The following TEX261 variants were observed in gnomAD, a reference collection of about 807,000 sequenced individuals.
TEX261 encodes the protein protein TEX261.
In TEX261, 13 loss-of-function variants were observed where a neutral mutation model predicts 25.1. The ratio of observed to expected loss-of-function variants is 0.52; its 90% CI spans 0.34 to 0.82. The LOEUF (loss-of-function observed/expected upper bound fraction) is 0.82, where lower values mean the gene tolerates loss of function less well. Ranked by LOEUF, TEX261 falls within the 40% of genes least tolerant of loss-of-function variation. The probability of loss-of-function intolerance (pLI) is 0.02; values close to 1 mark genes in which losing one functional copy is unlikely to be tolerated. For missense variants in TEX261, 206 were observed against 243.2 expected (o/e 0.85, Z 1.02); for synonymous variants, 92 against 97.8 (o/e 0.94, Z 0.35).
Position 70,988,680 on chromosome 2 carries a change from G to A in TEX261, c.511C>T (p.Arg171Trp), listed in dbSNP as rs1553425213. Residue 171 changes from arginine (R) to tryptophan (W), a missense_variant, in exon 6 of 6, where the codon CGG (arginine) becomes TGG (tryptophan). By Grantham distance (101) the Arg-to-Trp change is moderately radical. Coordinates refer to ENST00000272438, the MANE Select transcript of TEX261 (RefSeq NM_144582.3). ...ACCAGGATCCCTAAGCGTTTGCCCC[G>A]CTTGCCTTTGGTGAAATAATTGGAG... is the stretch of plus-strand genomic sequence containing the variant. ...VVSNYFTKGK[R>W]GKRLGILVVF... 17 of 1,614,178 alleles carry A rather than the reference G, an allele frequency of 1.1e-5. No individual in the cohort carries two copies. The highest frequency in any genetic ancestry group is 1.3e-5 in the African/African-American group (1 of 75,042).
chr2:70,989,110 G>GTGGCCCCCTGT, intron 4 of TEX261, 93 bp from the exon 5 acceptor site: 1 of 1,071,108 alleles, frequency 9.3e-7, no homozygotes, highest in Non-Finnish European at 1.4e-6. Flanking sequence ...GTGCACAGGG[G>GTGGCCCCCTGT]GCCACACCTG....
At chr2:70,989,195 G>A (rs1670253933) in intron 4 of TEX261, 178 bp from the exon 5 acceptor site, 1 of 632,024 alleles carries the variant, frequency 1.6e-6, no homozygotes, top group African/African-American at 1.8e-5. Context: ...GTGGGGAAAG[G>A]TGGAGGCTGA....
At position 70,988,966 on chromosome 2, in the gene TEX261, CA is replaced by C; in HGVS notation, c.423del (p.Phe141LeufsTer35). ...FCLWIIPFAF[F>X]VSLSAGENVL... ...ACGTTCTCCCCGGCCGAAAGTGACA[CA>C]AAAAACGCAAACGGAATTATCCACA... is the stretch of plus-strand genomic sequence containing the variant. On this transcript the variant is annotated frameshift_variant, in exon 5 of 6. Coordinates refer to ENST00000272438, the MANE Select transcript of TEX261 (RefSeq NM_144582.3). LOFTEE classifies it high-confidence loss of function. The C allele has an allele frequency of 6.2e-7, 1 of 1,614,076 alleles. No individual in the cohort carries two copies. The highest frequency in any genetic ancestry group is 8.5e-7 in the Non-Finnish European group (1 of 1,180,002).
intron 1 of TEX261, 58 bp from the exon 2 acceptor site, chr2:70,993,833 C>A: frequency 7.2e-7 from 1 of 1,385,986 alleles, no homozygotes; most frequent in Non-Finnish European, 1.0e-6. Context: ...ATCCTGGTCA[C>A]CCCTCTCTCT....
In TEX261 at chr2:70,988,412, C is replaced by T. The variant is rs1670231146; in HGVS notation, c.*188G>A. ...TCCTTGGTGCCCTCTGAGGTTACAG[C>T]CTCTTGAAGCATCAGATCTGAGCCA... On this transcript the variant is annotated 3_prime_UTR_variant, in exon 6 of 6. Coordinates refer to ENST00000272438, the MANE Select transcript of TEX261 (RefSeq NM_144582.3). 4 of 584,448 alleles carry T rather than the reference C, an allele frequency of 6.8e-6. No individual in the cohort carries two copies. Among genetic ancestry groups the T allele is most frequent in the Non-Finnish European group, 1.2e-5 (4 of 327,130 alleles). The allele number at this position is 584,448 out of a possible 1,614,324, so 36.2% of individuals were successfully genotyped here.
intron 5 of TEX261, 36 bp from the exon 6 acceptor site, chr2:70,988,751 A>T (rs1558692459): frequency 6.4e-7 from 1 of 1,562,728 alleles, no homozygotes; most frequent in Non-Finnish European, 8.8e-7. Flanking sequence ...AGAGAGAGAG[A>T]GAGTGTGTGT....
rs1553425180 is a variant in TEX261, at chr2:70,988,569, T to C, written c.*31A>G. ...AGGCCCAGGGGCCTGACTCTCCTGA[T>C]CTTGCCCCCCACATCCTGCCTGCAT... On this transcript the variant is annotated 3_prime_UTR_variant, in exon 6 of 6. Coordinates refer to ENST00000272438, the MANE Select transcript of TEX261 (RefSeq NM_144582.3). 1 of 1,567,790 alleles carries C rather than the reference T, an allele frequency of 6.4e-7. No homozygotes were observed. The highest frequency in any genetic ancestry group is 1.1e-5 in the South Asian group (1 of 90,174).
At chr2:70,991,283 G>A (rs1483459909) in intron 3 of TEX261, among the ~76,000 whole-genome samples, 1 of 152,332 alleles carries the variant, frequency 6.6e-6, no homozygotes, top group Admixed American at 6.5e-5. Context: ...GCAGGGCAAC[G>A]CCAAGAAGAC....
Position 70,991,924 on chromosome 2 carries a change from A to C in TEX261, c.210T>G (p.Ile70Met). The change falls in exon 3 of 6, where the codon ATT becomes ATG. Residue 70 changes from isoleucine to methionine, a missense_variant. Coordinates refer to ENST00000272438, the MANE Select transcript of TEX261 (RefSeq NM_144582.3). ...YVFERFPTSM[I>M]GVGLFTNLVY... ...CGAGGTTGGTGAATAGGCCCACTCC[A>C]ATCATGCTGGTGGGGAAGCGCTCAA... The C allele has an allele frequency of 6.2e-7, 1 of 1,613,758 alleles. No homozygotes were observed. The highest frequency in any genetic ancestry group is 8.5e-7 in the Non-Finnish European group (1 of 1,179,862).
At chr2:70,994,341 A>G (rs1157280541) in intron 1 of TEX261, among the ~76,000 whole-genome samples, 1 of 152,272 alleles carries the variant, frequency 6.6e-6, no homozygotes, top group Non-Finnish European at 1.5e-5. Flanking sequence ...GAAGGGCCAG[A>G]GGCGCAAAGG....
chr2:70,994,402 G>A (rs1553425992), intron 1 of TEX261: 2 of 521,354 alleles, frequency 3.8e-6, no homozygotes, highest in South Asian at 2.2e-5. Context: ...GCGAAGAGTG[G>A]GAGCCGCAGC....
In TEX261 at chr2:70,988,567, G is replaced by A; in HGVS notation, c.*33C>T. On this transcript the variant is annotated 3_prime_UTR_variant, in exon 6 of 6. Coordinates refer to ENST00000272438, the MANE Select transcript of TEX261 (RefSeq NM_144582.3). ...AGAGGCCCAGGGGCCTGACTCTCCT[G>A]ATCTTGCCCCCCACATCCTGCCTGC... The A allele has an allele frequency of 6.4e-7, 1 of 1,553,418 alleles. No individual in the cohort carries two copies. The highest frequency in any genetic ancestry group is 8.9e-7 in the Non-Finnish European group (1 of 1,124,696).
At chr2:70,993,352 G>A (rs1027023500) in intron 2 of TEX261, among the ~76,000 whole-genome samples, 2 of 152,232 alleles carry the variant, frequency 1.3e-5, no homozygotes, top group Non-Finnish European at 2.9e-5. Context: ...GCTCCTCTAA[G>A]TTTTAAATGC....
At chr2:70,993,363 T>C (rs886736944) in intron 2 of TEX261, among the ~76,000 whole-genome samples, 1 of 152,240 alleles carries the variant, frequency 6.6e-6, no homozygotes, top group Non-Finnish European at 1.5e-5. Context: ...TTTTAAATGC[T>C]GTGAGCAGAG....
intron 5 of TEX261, 57 bp from the exon 6 acceptor site, chr2:70,988,772 G>T: frequency 6.7e-7 from 1 of 1,503,272 alleles, no homozygotes; most frequent in Non-Finnish European, 9.3e-7. Flanking sequence ...GTGTGTGTGC[G>T]CATGTGTGTG....
chr2:70,993,100 T>C (rs2104874605), intron 2 of TEX261, among the ~76,000 whole-genome samples: 1 of 152,334 alleles, frequency 6.6e-6, no homozygotes, highest in South Asian at 2.1e-4. Context: ...CTTGAGGGGC[T>C]GTGGACGCTT....
At chr2:70,989,904 C>A in intron 3 of TEX261, 88 bp from the exon 4 acceptor site, 1 of 971,074 alleles carries the variant, frequency 1.0e-6, no homozygotes, top group Non-Finnish European at 1.7e-6. Flanking sequence ...AAGTTGGGAG[C>A]CTCCATGGAG....
At position 70,988,804 on chromosome 2, in the gene TEX261, AGT is replaced by A. The variant is rs35866250; in HGVS notation, c.476-91_476-90del. 0.013 allele frequency: 19,899 copies of A among 1,514,302 alleles called. 1,256 individuals are homozygous for A. In the African/African-American group the frequency reaches 0.18, roughly 14 times the overall value. The allele number at this position is 1,514,302 out of a possible 1,614,324, so 93.8% of individuals were successfully genotyped here. ...TGTGAACACGGCCCTCCCAACCCCG[AGT>A]CCAGGTGTCTCCAACACAGGGCTAG... is the stretch of plus-strand genomic sequence containing the variant. On this transcript the variant is annotated intron_variant, in intron 5 of 5. Transcript: ENST00000272438.
intron 3 of TEX261, among the ~76,000 whole-genome samples, chr2:70,990,775 C>A (rs1553425557): frequency 1.3e-5 from 2 of 152,148 alleles, no homozygotes; most frequent in African/African-American, 4.8e-5. Flanking sequence ...CTCTTTTAGG[C>A]ATTAAAGGGC....
Sources: allele counts gnomAD v4.1 joint callset (sites outside exome capture counted in the v4.1 genomes callset), GRCh38; gene constraint gnomAD v4.1.1; transcripts MANE v1.5; gene names NCBI Gene and HGNC (gene_info 2026-07-23, HGNC 2026-07-21).